Variants in RHBDD1 observed in about 807,000 individuals in gnomAD.
RHBDD1 encodes the protein rhomboid domain containing 1, also known as rhomboid-related protein 4.
In RHBDD1, 38 loss-of-function variants were observed where a neutral mutation model predicts 36.3. The observed-to-expected ratio is 1.05, with a 90% CI of 0.81 to 1.37. RHBDD1 has a LOEUF of 1.37. RHBDD1 is among the 40% of genes most tolerant of loss of function. The pLI is 0.00. For missense variants in RHBDD1, 393 were observed against 377.6 expected, an observed-to-expected ratio of 1.04 and a Z score of -0.34; for synonymous variants, 151 against 136.5, an observed-to-expected ratio of 1.11 and a Z score of -0.74.
intron 8 of RHBDD1, among the ~76,000 whole-genome samples, chr2:226,926,490 T>G (rs1465015727): frequency 6.6e-6 from 1 of 152,210 alleles, no homozygotes; most frequent in Non-Finnish European, 1.5e-5. Context: ...GGTAGGTGTC[T>G]TATTATTTCT....
At chr2:226,836,515 C>T (rs972268395) in intron 1 of RHBDD1, among the ~76,000 whole-genome samples, 2 of 152,202 alleles carry the variant, frequency 1.3e-5, no homozygotes, top group African/African-American at 4.8e-5. Flanking sequence ...CAAGTCTAAG[C>T]CTCACCGCAG....
At chr2:226,867,730 T>A in intron 5 of RHBDD1, 5 of 893,836 alleles carry the variant, frequency 5.6e-6, no homozygotes, top group Non-Finnish European at 6.7e-6. Context: ...ATTATTCTTT[T>A]TTTTTTGAGA....
intron 6 of RHBDD1, among the ~76,000 whole-genome samples, chr2:226,907,922 C>T (rs887565182): frequency 2.6e-5 from 4 of 152,026 alleles, no homozygotes; most frequent in Non-Finnish European, 2.9e-5. Context: ...AGATGATTCT[C>T]GGGAGTTTAA....
At chr2:226,995,404 AT>A (rs756853110) in intron 8 of RHBDD1, 26 bp from the exon 9 acceptor site, 2 of 1,464,726 alleles carry the variant, frequency 1.4e-6, no homozygotes, top group Non-Finnish European at 1.9e-6. Context: ...AGAATGATTG[AT>A]TTTTCCTTTG....
chr2:226,905,501 TGGGCAAGGCCAAGTGTTGGAA>T (rs1425723176), intron 5 of RHBDD1, among the ~76,000 whole-genome samples: 1 of 152,134 alleles, frequency 6.6e-6, no homozygotes, highest in African/African-American at 2.4e-5. Flanking sequence ...TTTGCAGAGA[TGGGCAAGGCCAAGTGTTGGAA>T]GGGCTTAAAC....
intron 8 of RHBDD1, among the ~76,000 whole-genome samples, chr2:226,938,938 A>G (rs1950509936): frequency 6.6e-6 from 1 of 152,214 alleles, no homozygotes; most frequent in African/African-American, 2.4e-5. Context: ...ATCAGGATCA[A>G]GTAGGCTTCA....
intron 8 of RHBDD1, among the ~76,000 whole-genome samples, chr2:226,923,245 T>G (rs1166445758): frequency 6.6e-6 from 1 of 152,134 alleles, no homozygotes; most frequent in African/African-American, 2.4e-5. Flanking sequence ...CTTGGGAAAT[T>G]TTTTATTTTG....
intron 5 of RHBDD1, among the ~76,000 whole-genome samples, chr2:226,904,737 A>G (rs1338424470): frequency 6.6e-6 from 1 of 152,198 alleles, no homozygotes; most frequent in Non-Finnish European, 1.5e-5. Context: ...GGAGACAAAG[A>G]AAATTACTCA....
intron 8 of RHBDD1, among the ~76,000 whole-genome samples, chr2:226,930,037 A>G (rs561034389): frequency 3.3e-5 from 5 of 152,120 alleles, no homozygotes; most frequent in African/African-American, 4.8e-5. Flanking sequence ...TGTATGTCCC[A>G]TGTTCAGGTA....
chr2:226,887,703 C>G (rs772610802), intron 5 of RHBDD1, among the ~76,000 whole-genome samples: 8 of 152,168 alleles, frequency 5.3e-5, no homozygotes, highest in Non-Finnish European at 8.8e-5. Context: ...TAAAAACTGT[C>G]AGGTGTATGT....
the RHBDD1 span, among the ~76,000 whole-genome samples, chr2:226,819,984 T>G: frequency 2.6e-5 from 4 of 151,468 alleles, no homozygotes; most frequent in South Asian, 2.1e-4. Flanking sequence ...TGTGTTTTTT[T>G]TTTTTTTTTT....
At chr2:226,805,523 A>T in the RHBDD1 span, among the ~76,000 whole-genome samples, 304 of 152,320 alleles carry the variant, frequency 2.0e-3, 1 homozygote, top group Non-Finnish European at 2.6e-3. Context: ...ACTGTTTCTC[A>T]TATTTGAAGA....
chr2:226,982,563 T>G (rs1352131163), intron 8 of RHBDD1, among the ~76,000 whole-genome samples: 1 of 152,254 alleles, frequency 6.6e-6, no homozygotes, highest in Non-Finnish European at 1.5e-5. Flanking sequence ...TTCTTTAATG[T>G]GGCCAGAACC....
intron 8 of RHBDD1, among the ~76,000 whole-genome samples, chr2:226,962,222 A>G (rs1214424115): frequency 3.3e-5 from 5 of 152,384 alleles, no homozygotes; most frequent in East Asian, 1.9e-4. Context: ...AAGAAAAAAT[A>G]GCAAATTCAT....
At chr2:226,917,869 A>G (rs564636248) in intron 8 of RHBDD1, among the ~76,000 whole-genome samples, 1 of 152,142 alleles carries the variant, frequency 6.6e-6, no homozygotes, top group South Asian at 2.1e-4. Context: ...ATATAAAAAT[A>G]AATAATTTTA....
chr2:226,971,785 G>C (rs1380264929), intron 8 of RHBDD1, among the ~76,000 whole-genome samples: 1 of 151,582 alleles, frequency 6.6e-6, no homozygotes, highest in Non-Finnish European at 1.5e-5. Flanking sequence ...TGTGTGTTTT[G>C]TTGAGATATG....
intron 5 of RHBDD1, among the ~76,000 whole-genome samples, chr2:226,882,452 AAAGAAG>A (rs1237440053): frequency 8.3e-4 from 113 of 136,114 alleles, no homozygotes; most frequent in South Asian, 3.8e-3. Context: ...AAAAAAAAAA[AAAGAAG>A]AAGAAGAAGA....
chr2:226,841,361 T>C (rs541934830), intron 3 of RHBDD1, among the ~76,000 whole-genome samples: 1 of 152,124 alleles, frequency 6.6e-6, no homozygotes, highest in South Asian at 2.1e-4. Context: ...GTTTGTTACA[T>C]AGGTAAACAT....
chr2:226,939,898 G>C (rs1218522126), intron 8 of RHBDD1, among the ~76,000 whole-genome samples: 1 of 152,096 alleles, frequency 6.6e-6, no homozygotes, highest in Non-Finnish European at 1.5e-5. Context: ...AAAACAGTAT[G>C]GTAGTGGCAC....
Sources: gnomAD v4.1 joint callset for allele counts (sites outside exome capture counted in the v4.1 genomes callset) on GRCh38, gnomAD v4.1.1 for gene constraint, MANE v1.5 for transcripts, NCBI Gene and HGNC (gene_info 2026-07-23, HGNC 2026-07-21) for gene names.